The following CDIN1 variants were observed in gnomAD, a reference collection of about 807,000 sequenced individuals.
CDIN1 encodes the protein CDAN1 interacting nuclease 1.
CDIN1 carries 33 observed loss-of-function variants against 45.3 expected under a neutral mutation model. The observed-to-expected ratio is 0.73, with a 90% CI of 0.55 to 0.97. CDIN1 has a LOEUF of 0.97. CDIN1 is among the 50% of genes least tolerant of loss of function. The pLI is 0.00. For missense variants in CDIN1, 303 were observed against 339.4 expected, an observed-to-expected ratio of 0.89 and a Z score of 0.84; for synonymous variants, 118 against 124.4, an observed-to-expected ratio of 0.95 and a Z score of 0.34.
At chr15:36,799,268 C>T (rs977647995) in intron 10 of CDIN1, 37 of 152,144 alleles carry the variant, frequency 2.4e-4, no homozygotes, top group African/African-American at 8.7e-4. Flanking sequence ...AACATAACTT[C>T]GGGTACTTTG....
At chr15:36,719,410 A>T (rs1422806903) in intron 10 of CDIN1, among the ~76,000 whole-genome samples, 2 of 152,184 alleles carry the variant, frequency 1.3e-5, no homozygotes, top group East Asian at 3.9e-4. Context: ...TAGTCAATAT[A>T]GTGAATTAAT....
intron 1 of CDIN1, among the ~76,000 whole-genome samples, chr15:36,581,832 A>C (rs1387514957): frequency 6.6e-6 from 1 of 152,254 alleles, no homozygotes; most frequent in Non-Finnish European, 1.5e-5. Flanking sequence ...ACCTTGTTGC[A>C]TTACAATCCA....
chr15:36,583,586 C>T (rs1295985389), intron 1 of CDIN1, among the ~76,000 whole-genome samples: 3 of 152,078 alleles, frequency 2.0e-5, no homozygotes, highest in Non-Finnish European at 4.4e-5. Flanking sequence ...TTAATGTCTT[C>T]GGTAGGGCTT....
At chr15:36,709,333 G>A (rs1213710823) in intron 9 of CDIN1, 45 bp downstream of exon 9, 2 of 1,455,454 alleles carry the variant, frequency 1.4e-6, no homozygotes. Flanking sequence ...AGAGAAAAGG[G>A]ATGTATTTTT....
intron 1 of CDIN1, among the ~76,000 whole-genome samples, chr15:36,632,644 A>G (rs190522988): frequency 9.7e-4 from 148 of 152,254 alleles, no homozygotes; most frequent in African/African-American, 3.4e-3. Context: ...GCATGTTATA[A>G]GTGTGTACAC....
intron 10 of CDIN1, among the ~76,000 whole-genome samples, chr15:36,780,034 T>A (rs78398832): frequency 1.7e-3 from 265 of 152,310 alleles, no homozygotes; most frequent in African/African-American, 5.8e-3. Context: ...CCCATAGTCA[T>A]TTACGTTTAG....
chr15:36,712,722 A>C (rs992972936), intron 10 of CDIN1, among the ~76,000 whole-genome samples: 19 of 152,136 alleles, frequency 1.2e-4, no homozygotes, highest in Admixed American at 7.2e-4. Context: ...CAATGTAGTC[A>C]TCTTCCCCAA....
At chr15:36,728,511 G>A (rs145083471) in intron 10 of CDIN1, among the ~76,000 whole-genome samples, 5 of 150,936 alleles carry the variant, frequency 3.3e-5, no homozygotes, top group East Asian at 2.0e-4. Flanking sequence ...AAGTGCTATC[G>A]ATAGCTCCAC....
intron 8 of CDIN1, chr15:36,706,451 A>G (rs1159236846): frequency 6.6e-6 from 1 of 152,100 alleles, no homozygotes; most frequent in Non-Finnish European, 1.5e-5. Context: ...TGTCTCTACT[A>G]AAAATACAAA....
chr15:36,600,046 GA>G (rs2038022969), intron 1 of CDIN1, among the ~76,000 whole-genome samples: 1 of 152,234 alleles, frequency 6.6e-6, no homozygotes, highest in Non-Finnish European at 1.5e-5. Context: ...ATTTGAATTG[GA>G]AATTGTCTGG....
chr15:36,660,920 A>G (rs1022026719), intron 5 of CDIN1, among the ~76,000 whole-genome samples: 1 of 152,068 alleles, frequency 6.6e-6, no homozygotes, highest in South Asian at 2.1e-4. Context: ...CTTCCTCCCA[A>G]ATTAGACATG....
Position 36,711,472 on chromosome 15 carries a change from A to AT in CDIN1, c.716+1512dup, listed in dbSNP as rs1191396032. ...CATTCACCATTTAGAGGCTGATTAA[A>AT]TAATCTAGTCACCTAGATGATAGAT... On this transcript the variant is annotated intron_variant, in intron 10 of 10. Coordinates refer to ENST00000566621, the MANE Select transcript of CDIN1 (RefSeq NM_001321759.2). 3.3e-5 allele frequency among the ~76,000 whole-genome samples: 5 copies of AT among 152,338 alleles called. No individual in the cohort carries two copies. The East Asian group carries it at 9.6e-4, about 29-fold the overall frequency.
chr15:36,627,149 G>T (rs2039466517), intron 1 of CDIN1: 1 of 198,792 alleles, frequency 5.0e-6, no homozygotes. Flanking sequence ...CATGCACTGG[G>T]TGTACATCAC....
intron 5 of CDIN1, among the ~76,000 whole-genome samples, chr15:36,663,148 A>G (rs1279342995): frequency 1.3e-5 from 2 of 152,198 alleles, no homozygotes; most frequent in African/African-American, 2.4e-5. Flanking sequence ...AATTTAAGAC[A>G]GAGAACTCTA....
At chr15:36,722,955 T>TTGTGTGTG (rs5811929) in intron 10 of CDIN1, among the ~76,000 whole-genome samples, 34 of 60,538 alleles carry the variant, frequency 5.6e-4, no homozygotes, top group Admixed American at 1.1e-3. Flanking sequence ...TTACATTCAC[T>TTGTGTGTG]TGTGTGTGTG....
At chr15:36,631,103 C>G (rs2140350187) in intron 1 of CDIN1, among the ~76,000 whole-genome samples, 1 of 152,206 alleles carries the variant, frequency 6.6e-6, no homozygotes, top group East Asian at 1.9e-4. Flanking sequence ...GAACAATGGT[C>G]CCGTATCAGG....
chr15:36,676,106 G>A (rs951390516), intron 5 of CDIN1, among the ~76,000 whole-genome samples: 3 of 152,106 alleles, frequency 2.0e-5, no homozygotes, highest in East Asian at 1.9e-4. Flanking sequence ...GTCCCTGGCT[G>A]TAATTAGTCA....
intron 10 of CDIN1, among the ~76,000 whole-genome samples, chr15:36,729,949 A>G (rs974316874): frequency 5.9e-5 from 9 of 152,318 alleles, no homozygotes; most frequent in African/African-American, 2.2e-4. Flanking sequence ...TATTATTATC[A>G]AAGACAGTGT....
At chr15:36,740,067 G>T (rs2044175934) in intron 10 of CDIN1, among the ~76,000 whole-genome samples, 2 of 152,338 alleles carry the variant, frequency 1.3e-5, no homozygotes, top group East Asian at 1.9e-4. Flanking sequence ...CCAAACAAAA[G>T]TTGGGGGGTT....
Sources: gnomAD v4.1 joint callset for allele counts (sites outside exome capture counted in the v4.1 genomes callset) on GRCh38, gnomAD v4.1.1 for gene constraint, MANE v1.5 for transcripts, NCBI Gene and HGNC (gene_info 2026-07-23, HGNC 2026-07-21) for gene names.